Variants in CEP112 observed in about 807,000 individuals in gnomAD.
CEP112 encodes the protein centrosomal protein 112.
Under a neutral mutation model 153.0 loss-of-function variants are expected in CEP112, and 127 were observed. The observed-to-expected ratio is 0.83, with a 90% CI of 0.72 to 0.96. The LOEUF (loss-of-function observed/expected upper bound fraction) is 0.96, where lower values mean the gene tolerates loss of function less well. Among genes scored for constraint, CEP112 ranks in the 40% least tolerant of loss-of-function variants. CEP112 has a pLI of 0.00. For synonymous variants in CEP112, 358 were observed against 374.4 expected, an observed-to-expected ratio of 0.96 and a Z score of 0.51; for missense variants, 1,089 against 1,101.2, an observed-to-expected ratio of 0.99 and a Z score of 0.16.
At chr17:65,895,649 G>C (rs1436309920) in intron 20 of CEP112, among the ~76,000 whole-genome samples, 2 of 152,012 alleles carry the variant, frequency 1.3e-5, no homozygotes, top group East Asian at 3.9e-4. Context: ...TTTCTTGGAG[G>C]AAACTATGAT....
chr17:66,160,433 C>T (rs1006047874), intron 4 of CEP112, among the ~76,000 whole-genome samples: 3 of 152,192 alleles, frequency 2.0e-5, no homozygotes, highest in African/African-American at 7.2e-5. Context: ...TGCTACCTGA[C>T]TTCAGACTAT....
intron 12 of CEP112, among the ~76,000 whole-genome samples, chr17:66,034,970 T>TTTTGTGTGTGTGTGTGTG (rs1555777524): frequency 5.2e-5 from 5 of 96,756 alleles, no homozygotes; most frequent in Admixed American, 1.4e-4. Context: ...AGCTAAGTTT[T>TTTTGTGTGTGTGTGTGTG]TGCATGTATA....
intron 23 of CEP112, among the ~76,000 whole-genome samples, chr17:65,711,116 G>A (rs2049162469): frequency 6.6e-6 from 1 of 152,156 alleles, no homozygotes; most frequent in Non-Finnish European, 1.5e-5. Flanking sequence ...TTGAACCCAT[G>A]TTTTCATCTA....
chr17:65,669,903 GAAA>G (rs11346097), intron 24 of CEP112, among the ~76,000 whole-genome samples: 16 of 126,590 alleles, frequency 1.3e-4, no homozygotes, highest in Admixed American at 2.4e-4. Context: ...ACTTCGTCTT[GAAA>G]AAAAAAAAAA....
intron 10 of CEP112, among the ~76,000 whole-genome samples, chr17:66,065,475 C>T (rs2067079971): frequency 6.6e-6 from 1 of 152,100 alleles, no homozygotes; most frequent in Admixed American, 6.5e-5. Flanking sequence ...CCAGGCTACT[C>T]CTCCCAAAAC....
chr17:65,882,115 A>ACTG (rs1391616975), intron 20 of CEP112, among the ~76,000 whole-genome samples: 1 of 152,248 alleles, frequency 6.6e-6, no homozygotes, highest in African/African-American at 2.4e-5. Context: ...ACTCGTTTTG[A>ACTG]CTGAAACTAA....
chr17:66,148,202 T>A (rs571147874), intron 4 of CEP112, among the ~76,000 whole-genome samples: 2 of 152,264 alleles, frequency 1.3e-5, no homozygotes, highest in Admixed American at 1.3e-4. Flanking sequence ...TTTCCCCTTA[T>A]AAAACCATCA....
chr17:65,848,358 T>C (rs1373028461), intron 21 of CEP112, among the ~76,000 whole-genome samples: 1 of 152,198 alleles, frequency 6.6e-6, no homozygotes, highest in Non-Finnish European at 1.5e-5. Context: ...TCTTCAACCC[T>C]CATCCTTCCT....
intron 16 of CEP112, among the ~76,000 whole-genome samples, chr17:66,017,985 G>A (rs1308240059): frequency 3.7e-5 from 5 of 134,520 alleles, no homozygotes; most frequent in African/African-American, 1.5e-4. Flanking sequence ...GGGCAACAGA[G>A]CAAGACTCTG....
intron 20 of CEP112, among the ~76,000 whole-genome samples, chr17:65,897,582 C>A (rs576710772): frequency 5.6e-4 from 85 of 152,166 alleles, no homozygotes; most frequent in Non-Finnish European, 1.0e-3. Context: ...ATTCCTGGCA[C>A]AGTGATGAAA....
At chr17:66,173,445 C>A (rs1035435030) in intron 4 of CEP112, among the ~76,000 whole-genome samples, 4 of 152,216 alleles carry the variant, frequency 2.6e-5, no homozygotes, top group African/African-American at 9.6e-5. Context: ...AATCTACCCA[C>A]ACGATTCATT....
At chr17:65,708,899 G>A (rs1053286128) in intron 23 of CEP112, among the ~76,000 whole-genome samples, 3 of 152,178 alleles carry the variant, frequency 2.0e-5, no homozygotes, top group African/African-American at 4.8e-5. Context: ...ACACACCAAT[G>A]TCCCTAATGA....
At chr17:65,664,091 C>T (rs2046553864) in intron 24 of CEP112, among the ~76,000 whole-genome samples, 1 of 152,124 alleles carries the variant, frequency 6.6e-6, no homozygotes, top group African/African-American at 2.4e-5. Flanking sequence ...ATACATCCAG[C>T]TACAGGGAAA....
At chr17:65,893,406 G>T (rs1471710139) in intron 20 of CEP112, among the ~76,000 whole-genome samples, 2 of 152,088 alleles carry the variant, frequency 1.3e-5, no homozygotes, top group Non-Finnish European at 2.9e-5. Flanking sequence ...AAGTCTAATT[G>T]TGTATTGTTT....
chr17:66,150,594 T>C (rs1056077453), intron 4 of CEP112, among the ~76,000 whole-genome samples: 3 of 152,184 alleles, frequency 2.0e-5, no homozygotes, highest in African/African-American at 2.4e-5. Context: ...GTCCTCTGTT[T>C]AGTAACCTTC....
intron 6 of CEP112, among the ~76,000 whole-genome samples, chr17:66,097,693 G>A (rs999537495): frequency 1.3e-5 from 2 of 152,040 alleles, no homozygotes; most frequent in African/African-American, 4.8e-5. Flanking sequence ...GTATCTCTGG[G>A]ACCTAGCACA....
chr17:66,134,937 C>G (rs1353429255), intron 4 of CEP112, among the ~76,000 whole-genome samples: 1 of 152,130 alleles, frequency 6.6e-6, no homozygotes, highest in Non-Finnish European at 1.5e-5. Context: ...TGCTGTGATC[C>G]CAGAGTTCTG....
chr17:65,638,326 T>TA (rs2044893806), intron 25 of CEP112, among the ~76,000 whole-genome samples: 1 of 152,254 alleles, frequency 6.6e-6, no homozygotes, highest in East Asian at 1.9e-4. Context: ...GGCCAACTTA[T>TA]ACCATGGCTT....
At chr17:66,129,348 G>A (rs1598406017) in intron 6 of CEP112, among the ~76,000 whole-genome samples, 1 of 152,134 alleles carries the variant, frequency 6.6e-6, no homozygotes, top group Non-Finnish European at 1.5e-5. Context: ...TTCCGTAAGA[G>A]CTGCTCATCC....
Sources: gnomAD v4.1 joint callset for allele counts (sites outside exome capture counted in the v4.1 genomes callset) on GRCh38, gnomAD v4.1.1 for gene constraint, MANE v1.5 for transcripts, NCBI Gene and HGNC (gene_info 2026-07-23, HGNC 2026-07-21) for gene names.